CHRNA3: variants seen among roughly 807,000 people sequenced by gnomAD.
CHRNA3 encodes cholinergic receptor nicotinic alpha 3 subunit.
CHRNA3 carries 34 observed loss-of-function variants against 41.9 expected under a neutral mutation model. That is an observed-to-expected ratio of 0.81 (90% CI 0.62 to 1.08). CHRNA3 has a LOEUF of 1.08. CHRNA3 is among the 50% of genes least tolerant of loss of function. CHRNA3 has a pLI of 0.00. For synonymous variants in CHRNA3, 281 were observed against 265.2 expected, an observed-to-expected ratio of 1.06 and a Z score of -0.58; for missense variants, 542 against 638.3, an observed-to-expected ratio of 0.85 and a Z score of 1.63.
intron 4 of CHRNA3, among the ~76,000 whole-genome samples, chr15:78,613,464 G>GC (rs2053411686): frequency 6.7e-6 from 1 of 149,144 alleles, no homozygotes. Context: ...GCAAACTATC[G>GC]CAAGGACAAA....
intron 5 of CHRNA3, 111 bp from the exon 6 acceptor site, chr15:78,596,843 A>G: frequency 1.4e-6 from 2 of 1,415,780 alleles, no homozygotes; most frequent in South Asian, 1.6e-5. Context: ...TTTTGTCTCT[A>G]ATATGTAAGA....
downstream of CHRNA3, chr15:78,594,509 T>TCTACTAAGAATA (rs1243412616): frequency 2.6e-5 from 4 of 152,164 alleles, no homozygotes; most frequent in Non-Finnish European, 5.9e-5. Flanking sequence ...AAGCCCCGTC[T>TCTACTAAGAATA]CTACTAAGAA....
chr15:78,613,059 G>A (rs1052497476), intron 4 of CHRNA3, among the ~76,000 whole-genome samples: 1 of 152,184 alleles, frequency 6.6e-6, no homozygotes, highest in Non-Finnish European at 1.5e-5. Flanking sequence ...TCATTAAAAG[G>A]TCAGGAAACA....
At position 78,605,108 on chromosome 15, in the gene CHRNA3, TAAAAAA is replaced by T. The variant is rs1246116690; in HGVS notation, c.378-2850_378-2845del. On this transcript the variant is annotated intron_variant, in intron 4 of 5. Transcript: ENST00000326828. The stretch of plus-strand genomic sequence containing the variant: ...GTACTGCCAAACCATGTGAGGCAAT[TAAAAAA>T]AGAAAAGGTAGTATGGGTGCAAATG... Among the ~76,000 whole-genome samples, 3 of 151,718 alleles carry T rather than the reference TAAAAAA, an allele frequency of 2.0e-5. 1 individual carries two copies. The highest frequency in any genetic ancestry group is 2.9e-5 in the Non-Finnish European group (2 of 67,942).
chr15:78,607,523 T>C (rs1231710154), intron 4 of CHRNA3: 1 of 151,988 alleles, frequency 6.6e-6, no homozygotes, highest in Non-Finnish European at 1.5e-5. Context: ...AGTCAGGAGA[T>C]TGAGACCATC....
In CHRNA3 at chr15:78,601,734, AG is replaced by A; in HGVS notation, c.907del (p.Leu303Ter). On this transcript the variant is annotated frameshift_variant, in exon 5 of 6. Transcript: ENST00000326828. LOFTEE classifies it high-confidence loss of function. ...GGTGAACAGGAGGTACTCTCCAATC[AG>A]GGGGATGACCAGCGAGGTGGAAGGG... is the stretch of plus-strand genomic sequence containing the variant. The part of the protein sequence containing the change: ...TIPSTSLVIP[L>X]IGEYLLFTMI... The A allele has an allele frequency of 6.2e-7, 1 of 1,613,354 alleles. No individual in the cohort carries two copies. Among genetic ancestry groups the A allele is most frequent in the Middle Eastern group, 1.7e-4 (1 of 6,060 alleles).
intron 5 of CHRNA3, among the ~76,000 whole-genome samples, chr15:78,599,665 T>G (rs1179596000): frequency 6.7e-6 from 1 of 148,888 alleles, no homozygotes; most frequent in African/African-American, 2.5e-5. Flanking sequence ...CCCCTGGATT[T>G]ATTTCTCTTC....
intron 4 of CHRNA3, among the ~76,000 whole-genome samples, chr15:78,614,995 G>A (rs1476761275): frequency 6.6e-6 from 1 of 152,134 alleles, no homozygotes; most frequent in Admixed American, 6.5e-5. Context: ...GCGGGAAGAT[G>A]CACATTCCGG....
At position 78,620,991 on chromosome 15, in the gene CHRNA3, C is replaced by T. The variant is rs1195519334; in HGVS notation, c.-197G>A. ...GACCCGCGGGAGGACAGGAACCATC[C>T]GGAGTGAAGCTGCGCCAGGCGCGGG... On this transcript the variant is annotated 5_prime_UTR_variant, in exon 1 of 6. Coordinates refer to ENST00000326828, the MANE Select transcript of CHRNA3 (RefSeq NM_000743.5). 2 of 388,304 alleles carry T rather than the reference C, an allele frequency of 5.2e-6. No homozygotes were observed. The highest frequency in any genetic ancestry group is 1.9e-4 in the East Asian group (2 of 10,430). 24.1% of individuals were successfully genotyped at this position (388,304 alleles called of 1,614,324 possible). A position where few individuals can be genotyped will look rare whatever the true frequency, so the allele number is the denominator to read the frequency against.
intron 2 of CHRNA3, 33 bp downstream of exon 2, chr15:78,618,743 C>T (rs199915334): frequency 2.9e-5 from 47 of 1,614,162 alleles, no homozygotes; most frequent in Non-Finnish European, 3.8e-5. Context: ...GCCCCGGTCC[C>T]CATGGCCACG....
chr15:78,604,048 C>G (rs988697497), intron 4 of CHRNA3, among the ~76,000 whole-genome samples: 2 of 152,160 alleles, frequency 1.3e-5, no homozygotes, highest in African/African-American at 4.8e-5. Flanking sequence ...ATACAGCATC[C>G]TGGATCAACA....
Position 78,602,227 on chromosome 15 carries a change from CTTTGGTCTT to C in CHRNA3, c.406_414del (p.Lys136_Lys138del). The C allele has an allele frequency of 6.2e-7, 1 of 1,614,028 alleles. No homozygotes were observed. The highest frequency in any genetic ancestry group is 8.5e-7 in the Non-Finnish European group (1 of 1,179,958). ...ACCTCCCCAGTGTACTTGAGTAAGG[CTTTGGTCTT>C]GTCGTCCACCTGGAAATCCCCAACA... On this transcript the variant is annotated inframe_deletion, in exon 5 of 6. Coordinates refer to ENST00000326828, the MANE Select transcript of CHRNA3 (RefSeq NM_000743.5).
rs561001534 is a variant in CHRNA3 at position 78,603,735 on chromosome 15, T to C, written c.378-1471A>G. 1.5e-4 allele frequency among the ~76,000 whole-genome samples: 23 copies of C among 152,302 alleles called. 1 individual carries two copies. The highest frequency in any genetic ancestry group is 6.8e-3 in the Middle Eastern group (2 of 294). The stretch of plus-strand genomic sequence containing the variant: ...GAGCAGGATCATTACCCATGAAGGC[T>C]CAATGCCAAAGCCACTAACTATCTT... On this transcript the variant is annotated intron_variant, in intron 4 of 5. Transcript: ENST00000326828.
At chr15:78,612,122 G>A (rs1218114404) in intron 4 of CHRNA3, among the ~76,000 whole-genome samples, 12 of 152,098 alleles carry the variant, frequency 7.9e-5, no homozygotes, top group African/African-American at 1.9e-4. Context: ...AATCAATATC[G>A]TGAAAATGGC....
chr15:78,613,073 G>A (rs2053405159), intron 4 of CHRNA3, among the ~76,000 whole-genome samples: 1 of 152,230 alleles, frequency 6.6e-6, no homozygotes, highest in African/African-American at 2.4e-5. Context: ...GGAAACAACA[G>A]ATGCTGGCGA....
chr15:78,618,900 T>G lies in CHRNA3; in HGVS notation c.98A>C (p.Glu33Ala). 1 of 1,613,446 alleles carries G rather than the reference T, an allele frequency of 6.2e-7. No homozygotes were observed. Among genetic ancestry groups the G allele is most frequent in the Non-Finnish European group, 8.5e-7 (1 of 1,179,932 alleles). The stretch of plus-strand genomic sequence containing the variant: ...CCGCTCAAATAGACGGTGCTCAGCC[T>G]CTGAGGCCCTGGCCACTGTGGGAAG... The part of the protein sequence containing the change: ...LSLLPVARAS[E>A]AEHRLFERLF... The change falls in exon 2 of 6, where the codon GAG (glutamate) becomes GCG (alanine). Residue 33 changes from glutamate (E) to alanine (A), a missense_variant. Transcript: ENST00000326828.
Position 78,601,868 on chromosome 15 carries a change from GAGGAAGGAGATGAGC to G in CHRNA3, c.759_773del (p.Leu254_Leu258del). The G allele has an allele frequency of 1.9e-6, 3 of 1,614,144 alleles. No individual in the cohort carries two copies. Among genetic ancestry groups the G allele is most frequent in the Admixed American group, 3.3e-5 (2 of 60,004 alleles). ...AGGGCAGGTAGAAGACGAGCACAGTGAGGAAGGAGATGAGCAGGCAGGGGATGATGAGGTTGATGG... is the reference window on the plus strand; with the variant it reads ...AGGGCAGGTAGAAGACGAGCACAGTGAGGCAGGGGATGATGAGGTTGATGG... On this transcript the variant is annotated inframe_deletion, in exon 5 of 6. Transcript: ENST00000326828.
At chr15:78,610,348 A>G (rs1311458931) in intron 4 of CHRNA3, among the ~76,000 whole-genome samples, 1 of 152,222 alleles carries the variant, frequency 6.6e-6, no homozygotes, top group East Asian at 1.9e-4. Context: ...CAGCAAATGT[A>G]AAAGAACACA....
Position 78,602,006 on chromosome 15 carries a change from G to A in CHRNA3, c.636C>T (p.Ala212=). The A allele has an allele frequency of 6.2e-7, 1 of 1,613,512 alleles. No homozygotes were observed. ...WESGEWAIIK[A]PGYKHDIKYN... is the part of the protein sequence containing the mutation. ...ACTTGATGTCGTGTTTGTAGCCTGG[G>A]GCTTTGATGATGGCCCACTCGCCGC... The change falls in exon 5 of 6, where the codon GCC becomes GCT. Residue 212 remains alanine (A), a synonymous_variant. Coordinates refer to ENST00000326828, the MANE Select transcript of CHRNA3 (RefSeq NM_000743.5).
Sources: allele counts gnomAD v4.1 joint callset (sites outside exome capture counted in the v4.1 genomes callset), GRCh38; gene constraint gnomAD v4.1.1; transcripts MANE v1.5; gene names NCBI Gene and HGNC (gene_info 2026-07-23, HGNC 2026-07-21).